The following IPO11 variants were observed in gnomAD, a reference collection of about 807,000 sequenced individuals.
IPO11 encodes importin 11.
IPO11 carries 66 observed loss-of-function variants against 143.2 expected under a neutral mutation model. The observed-to-expected ratio is 0.46, with a 90% confidence interval of 0.38 to 0.57. IPO11 has a LOEUF of 0.57. Ranked by LOEUF, IPO11 falls within the 20% of genes least tolerant of loss-of-function variation. The pLI is 0.00. For missense variants in IPO11, 1,026 were observed against 1,141.0 expected (o/e 0.90, Z 1.45); for synonymous variants, 385 against 377.8 (o/e 1.02, Z -0.22).
rs1214176867 is a variant in IPO11, at chr5:62,598,391, G to GCTTT, written c.2679-3334_2679-3331dup. ...CCATAAATTGTTTGCTTGCTTGCTT[G>GCTTT]CTTTCTTTCTTTCTTTCTTTCTTTC... is the stretch of plus-strand genomic sequence containing the variant. On this transcript the variant is annotated intron_variant, in intron 28 of 29. Coordinates refer to ENST00000325324, the MANE Select transcript of IPO11 (RefSeq NM_016338.5). Among the ~76,000 whole-genome samples the GCTTT allele has an allele frequency of 7.7e-4, 28 of 36,500 alleles. 1 individual carries two copies. Among genetic ancestry groups the GCTTT allele is most frequent in the East Asian group, 3.1e-3 (3 of 960 alleles). The allele number at this position is 36,500 out of a possible 152,430, so 23.9% of individuals were successfully genotyped here.
At chr5:62,578,609 G>A in intron 27 of IPO11, 1 of 441,398 alleles carries the variant, frequency 2.3e-6, no homozygotes, top group South Asian at 1.7e-5. Context: ...GTGTATATTA[G>A]GAAAACTCTA....
chr5:62,581,013 T>A (rs1177960056), intron 27 of IPO11: 3 of 1,551,186 alleles, frequency 1.9e-6, no homozygotes, highest in African/African-American at 1.4e-5. Flanking sequence ...AGAAGTTGAA[T>A]GAGGCTTTTG....
At chr5:62,423,067 A>C (rs189511418) in intron 1 of IPO11, among the ~76,000 whole-genome samples, 11 of 152,294 alleles carry the variant, frequency 7.2e-5, no homozygotes, top group African/African-American at 2.6e-4. Context: ...AGTATTATTA[A>C]ATTTTGTTGG....
chr5:62,547,591 T>G (rs1020582647), intron 24 of IPO11, among the ~76,000 whole-genome samples: 1 of 152,170 alleles, frequency 6.6e-6, no homozygotes, highest in Admixed American at 6.6e-5. Flanking sequence ...TAGCTACGGT[T>G]CCAGACCTTT....
At chr5:62,453,660 C>T (rs761685677) in intron 5 of IPO11, among the ~76,000 whole-genome samples, 5 of 152,078 alleles carry the variant, frequency 3.3e-5, no homozygotes, top group Non-Finnish European at 1.5e-5. Context: ...CAAAAACATT[C>T]GTTTTCAATC....
At chr5:62,442,570 C>T (rs1744526689) in intron 2 of IPO11, among the ~76,000 whole-genome samples, 1 of 152,086 alleles carries the variant, frequency 6.6e-6, no homozygotes, top group African/African-American at 2.4e-5. Context: ...ATTAAAAGAT[C>T]TGTCCAGGCT....
At chr5:62,615,682 C>T (rs937002435) in intron 29 of IPO11, among the ~76,000 whole-genome samples, 3 of 152,286 alleles carry the variant, frequency 2.0e-5, no homozygotes, top group African/African-American at 7.2e-5. Flanking sequence ...TAGATGGGAG[C>T]TCTGAGGAGG....
chr5:62,484,573 G>T (rs1449908013), intron 11 of IPO11, among the ~76,000 whole-genome samples: 2 of 148,766 alleles, frequency 1.3e-5, no homozygotes, highest in Non-Finnish European at 3.0e-5. Context: ...TTTTGGACAG[G>T]ACATCTTTAT....
intron 25 of IPO11, among the ~76,000 whole-genome samples, chr5:62,550,954 T>C (rs1169267023): frequency 3.7e-5 from 5 of 135,356 alleles, no homozygotes; most frequent in Admixed American, 7.7e-5. Flanking sequence ...GAACTCCATC[T>C]CAAAAAAAAA....
chr5:62,624,223 G>A (rs1444512189), intron 29 of IPO11, among the ~76,000 whole-genome samples: 2 of 151,230 alleles, frequency 1.3e-5, no homozygotes, highest in African/African-American at 2.4e-5. Context: ...TAGTAGAGAC[G>A]GGGTTTCTCC....
chr5:62,536,789 G>T lies in IPO11; in HGVS notation c.2169+8G>T. 1 of 1,537,350 alleles carries T rather than the reference G, an allele frequency of 6.5e-7. No individual in the cohort carries two copies. The highest frequency in any genetic ancestry group is 8.7e-7 in the Non-Finnish European group (1 of 1,150,720). ...TCAACAGAATTTTTACAGGTATGTT[G>T]GAGTACTTTTGCATTATATGAAATT... is the stretch of plus-strand genomic sequence containing the variant. On this transcript the variant is annotated splice_region_variant and intron_variant, in intron 23 of 29. Transcript: ENST00000325324.
At position 62,588,478 on chromosome 5, in the gene IPO11, C is replaced by T. The variant is rs575641757; in HGVS notation, c.2583-3099C>T. Among the ~76,000 whole-genome samples the T allele has an allele frequency of 2.4e-4, 36 of 152,324 alleles. 1 individual carries two copies. In the South Asian group the frequency reaches 7.0e-3, roughly 30 times the overall value. On this transcript the variant is annotated intron_variant, in intron 27 of 29. Coordinates refer to ENST00000325324, the MANE Select transcript of IPO11 (RefSeq NM_016338.5). ...GAACTCCTGGCTTTAAGTGACTCTT[C>T]CACCTCAGCCTCCCGAAGTGCTGGA...
chr5:62,507,751 T>A (rs139903375), intron 19 of IPO11, among the ~76,000 whole-genome samples: 79 of 152,366 alleles, frequency 5.2e-4, no homozygotes, highest in African/African-American at 1.8e-3. Flanking sequence ...TCTTCTTATC[T>A]TTGTCTCCCC....
At chr5:62,569,897 G>T (rs1178129589) in intron 27 of IPO11, among the ~76,000 whole-genome samples, 2 of 152,070 alleles carry the variant, frequency 1.3e-5, no homozygotes, top group African/African-American at 4.8e-5. Flanking sequence ...AATGCAATTT[G>T]TAGTAATTAT....
chr5:62,523,974 A>C (rs1383860571), intron 20 of IPO11, among the ~76,000 whole-genome samples: 1 of 152,102 alleles, frequency 6.6e-6, no homozygotes, highest in Admixed American at 6.5e-5. Flanking sequence ...TGTATAGAGA[A>C]ATCCCATGTG....
At chr5:62,503,747 G>C (rs1289261747) in intron 16 of IPO11, among the ~76,000 whole-genome samples, 1 of 152,164 alleles carries the variant, frequency 6.6e-6, no homozygotes, top group African/African-American at 2.4e-5. Context: ...AGAATCTGCG[G>C]ATTTGGCAGT....
intron 1 of IPO11, among the ~76,000 whole-genome samples, chr5:62,425,386 C>T (rs1011258779): frequency 2.0e-5 from 3 of 152,106 alleles, no homozygotes; most frequent in South Asian, 4.1e-4. Context: ...GGTGCAATCT[C>T]GGCTCACTGC....
At chr5:62,490,444 A>G (rs1425299618) in intron 15 of IPO11, among the ~76,000 whole-genome samples, 1 of 152,152 alleles carries the variant, frequency 6.6e-6, no homozygotes, top group Non-Finnish European at 1.5e-5. Context: ...ATGAGGGAGG[A>G]TGGAGGTCTC....
At chr5:62,439,081 C>T (rs1744349595) in intron 2 of IPO11, among the ~76,000 whole-genome samples, 2 of 150,696 alleles carry the variant, frequency 1.3e-5, no homozygotes, top group Admixed American at 1.3e-4. Flanking sequence ...AAAAAAATCT[C>T]TTGAGTATCT....
Sources: gnomAD v4.1 joint callset for allele counts (sites outside exome capture counted in the v4.1 genomes callset) on GRCh38, gnomAD v4.1.1 for gene constraint, MANE v1.5 for transcripts, NCBI Gene and HGNC (gene_info 2026-07-23, HGNC 2026-07-21) for gene names.